The following FGD3 variants were observed in gnomAD, a reference collection of about 807,000 sequenced individuals.
FGD3 encodes the protein FYVE, RhoGEF and PH domain containing 3.
FGD3 carries 45 observed loss-of-function variants against 71.8 expected under a neutral mutation model. The observed-to-expected ratio is 0.63, with a 90% CI of 0.49 to 0.80. The LOEUF (loss-of-function observed/expected upper bound fraction) is 0.80, where lower values mean the gene tolerates loss of function less well. Among genes scored for constraint, FGD3 ranks in the 30% least tolerant of loss-of-function variants. FGD3 has a pLI of 0.00. For missense variants in FGD3, 844 were observed against 951.5 expected, an observed-to-expected ratio of 0.89 and a Z score of 1.49; for synonymous variants, 378 against 392.8, an observed-to-expected ratio of 0.96 and a Z score of 0.44.
chr9:93,029,254 T>C (rs889101034), intron 14 of FGD3, among the ~76,000 whole-genome samples: 1 of 152,038 alleles, frequency 6.6e-6, no homozygotes, highest in Non-Finnish European at 1.5e-5. Flanking sequence ...TTGGCCAGGC[T>C]GGTCTCAAAC....
intron 3 of FGD3, among the ~76,000 whole-genome samples, chr9:92,993,639 T>C (rs995945060): frequency 2.6e-5 from 4 of 152,122 alleles, no homozygotes; most frequent in Non-Finnish European, 5.9e-5. Flanking sequence ...TGACAGGCCC[T>C]AGTTTGTGAT....
At chr9:92,992,212 G>C (rs954858317) in intron 3 of FGD3, among the ~76,000 whole-genome samples, 4 of 152,144 alleles carry the variant, frequency 2.6e-5, no homozygotes, top group African/African-American at 7.2e-5. Context: ...TGGTTGTTTT[G>C]TATATCCTTT....
intron 8 of FGD3, among the ~76,000 whole-genome samples, chr9:93,013,015 A>G (rs1410568705): frequency 1.3e-5 from 2 of 151,104 alleles, no homozygotes; most frequent in Non-Finnish European, 3.0e-5. Flanking sequence ...CACCAACTGC[A>G]CACCCAGCCC....
intron 1 of FGD3, among the ~76,000 whole-genome samples, chr9:92,960,768 C>T (rs1378669830): frequency 6.6e-6 from 1 of 152,168 alleles, no homozygotes; most frequent in Non-Finnish European, 1.5e-5. Flanking sequence ...AGCCCCTAGG[C>T]CAGCTGAGAG....
intron 8 of FGD3, 39 bp downstream of exon 8, chr9:93,011,311 C>T: frequency 6.2e-7 from 1 of 1,613,002 alleles, no homozygotes; most frequent in Non-Finnish European, 8.5e-7. Context: ...CAGGGTGGTG[C>T]AGCAAGAGTG....
In FGD3 at chr9:93,029,875, T is replaced by A; in HGVS notation, c.1559T>A (p.Leu520His). Residue 520 changes from leucine (L) to histidine (H), a missense_variant and splice_region_variant, in exon 15 of 18, where the codon CTC becomes CAC. Leu to His is a moderately conservative substitution (Grantham distance 99). Coordinates refer to ENST00000375482, the MANE Select transcript of FGD3 (RefSeq NM_001083536.2). ...TTEGSSGAAG[L>H]EPRKLSSKTR... Reference sequence around the variant, plus strand: ...TGGCATCTATTTGCCTCCTTATAGCTCGAGCCCAGAAAACTATCCTCTAAG... The same window carrying A: ...TGGCATCTATTTGCCTCCTTATAGCACGAGCCCAGAAAACTATCCTCTAAG... 1 of 1,612,436 alleles carries A rather than the reference T, an allele frequency of 6.2e-7. No homozygotes were observed. The highest frequency in any genetic ancestry group is 8.5e-7 in the Non-Finnish European group (1 of 1,179,040).
intron 1 of FGD3, among the ~76,000 whole-genome samples, chr9:92,951,495 T>G (rs79427743): frequency 0.096 from 14,646 of 152,192 alleles, 991 homozygotes; most frequent in East Asian, 0.25. Context: ...TGGGCAACAT[T>G]GTGAAATCCT....
chr9:92,967,901 T>C (rs1382308710), intron 1 of FGD3, among the ~76,000 whole-genome samples: 1 of 152,222 alleles, frequency 6.6e-6, no homozygotes, highest in Non-Finnish European at 1.5e-5. Context: ...AACATGATTC[T>C]GTTCTATGGA....
intron 14 of FGD3, among the ~76,000 whole-genome samples, chr9:93,025,448 CT>C (rs1164159808): frequency 6.6e-6 from 1 of 152,222 alleles, no homozygotes; most frequent in Non-Finnish European, 1.5e-5. Flanking sequence ...GCTGGGACAG[CT>C]CAGTGTCTGT....
intron 6 of FGD3, 32 bp from the exon 7 acceptor site, chr9:93,010,214 T>TG: frequency 6.3e-7 from 1 of 1,580,448 alleles, no homozygotes; most frequent in African/African-American, 1.3e-5. Context: ...CACGTGTCCT[T>TG]GGAGTGCCCA....
At chr9:93,004,730 C>T (rs1860988146) in intron 5 of FGD3, among the ~76,000 whole-genome samples, 1 of 152,156 alleles carries the variant, frequency 6.6e-6, no homozygotes, top group African/African-American at 2.4e-5. Flanking sequence ...GTCTCTACTG[C>T]CTGTGCCCTT....
At chr9:93,005,762 C>A (rs1427803699) in intron 5 of FGD3, among the ~76,000 whole-genome samples, 6 of 152,244 alleles carry the variant, frequency 3.9e-5, no homozygotes, top group African/African-American at 1.4e-4. Context: ...CTGCTATCTC[C>A]TGTGTCTGGG....
chr9:92,972,247 G>A (rs942996019), intron 1 of FGD3, among the ~76,000 whole-genome samples: 1 of 151,678 alleles, frequency 6.6e-6, no homozygotes, highest in Non-Finnish European at 1.5e-5. Flanking sequence ...TCAGGAGTTC[G>A]AGACCAGTCT....
At chr9:93,026,453 T>G (rs1029178836) in intron 14 of FGD3, among the ~76,000 whole-genome samples, 3 of 152,212 alleles carry the variant, frequency 2.0e-5, no homozygotes, top group Non-Finnish European at 2.9e-5. Flanking sequence ...GCGTCATGCC[T>G]ACAAATTCAG....
At chr9:92,977,265 C>T (rs1223579432) in intron 3 of FGD3, among the ~76,000 whole-genome samples, 3 of 152,094 alleles carry the variant, frequency 2.0e-5, no homozygotes, top group Admixed American at 6.6e-5. Context: ...TCCCACAACA[C>T]GATGGGGCTG....
intron 14 of FGD3, among the ~76,000 whole-genome samples, chr9:93,027,067 G>A (rs1244014771): frequency 6.6e-6 from 1 of 152,224 alleles, no homozygotes; most frequent in Non-Finnish European, 1.5e-5. Flanking sequence ...TGCAGAGGGA[G>A]CCCAGGCCGC....
chr9:92,996,208 G>A (rs1459171089), intron 3 of FGD3, among the ~76,000 whole-genome samples: 1 of 152,124 alleles, frequency 6.6e-6, no homozygotes, highest in Non-Finnish European at 1.5e-5. Flanking sequence ...AGTCTTGGGA[G>A]GGTGTTATGT....
chr9:93,028,076 T>G (rs1862191172), intron 14 of FGD3, among the ~76,000 whole-genome samples: 1 of 151,972 alleles, frequency 6.6e-6, no homozygotes, highest in Admixed American at 6.6e-5. Context: ...GTATGTTGTT[T>G]AGCATTTTCC....
At chr9:93,030,063 A>C (rs2118836190) in intron 15 of FGD3, 67 bp downstream of exon 15, 1 of 1,561,534 alleles carries the variant, frequency 6.4e-7, no homozygotes, top group East Asian at 2.3e-5. Context: ...AGAGCAGCTG[A>C]GTCCTCACCA....
Sources: allele counts gnomAD v4.1 joint callset (sites outside exome capture counted in the v4.1 genomes callset), GRCh38; gene constraint gnomAD v4.1.1; transcripts MANE v1.5; gene names NCBI Gene and HGNC (gene_info 2026-07-23, HGNC 2026-07-21).